Variants in MGAT4C observed in about 807,000 individuals in gnomAD.
MGAT4C encodes alpha-1,3-mannosyl-glycoprotein 4-beta-N-acetylglucosaminyltransferase C.
A neutral mutation model predicts 40.1 loss-of-function variants in MGAT4C; 19 were observed. The observed-to-expected ratio is 0.47, with a 90% CI of 0.33 to 0.70. MGAT4C has a LOEUF of 0.70. Ranked by LOEUF, MGAT4C falls within the 30% of genes least tolerant of loss-of-function variation. The pLI is 0.02. For missense variants in MGAT4C, 491 were observed against 563.2 expected (o/e 0.87, Z 1.30); for synonymous variants, 181 against 187.1 (o/e 0.97, Z 0.27).
intron 2 of MGAT4C, among the ~76,000 whole-genome samples, chr12:86,606,517 A>T (rs1464410423): frequency 6.6e-6 from 1 of 152,120 alleles, no homozygotes; most frequent in Admixed American, 6.6e-5. Context: ...GACATTTGGG[A>T]TGTCATTTAG....
intron 1 of MGAT4C, among the ~76,000 whole-genome samples, chr12:86,072,651 G>A (rs1010491802): frequency 2.6e-5 from 4 of 152,126 alleles, no homozygotes; most frequent in Admixed American, 6.6e-5. Flanking sequence ...AGATGAGTAA[G>A]CAGGTAGATG....
chr12:86,267,353 C>A (rs1208637110), intron 4 of MGAT4C, among the ~76,000 whole-genome samples: 1 of 152,032 alleles, frequency 6.6e-6, no homozygotes, highest in East Asian at 1.9e-4. Context: ...TCAAAGGTAT[C>A]TTAAACTTGG....
intron 2 of MGAT4C, among the ~76,000 whole-genome samples, chr12:86,008,567 TAAGACTTCAA>T (rs1888135483): frequency 6.6e-6 from 1 of 152,130 alleles, no homozygotes; most frequent in Non-Finnish European, 1.5e-5. Flanking sequence ...TTCCAATCTC[TAAGACTTCAA>T]CATTTTGTTG....
chr12:86,718,230 GT>G (rs1274445316), intron 2 of MGAT4C, among the ~76,000 whole-genome samples: 2 of 152,066 alleles, frequency 1.3e-5, no homozygotes, highest in African/African-American at 2.4e-5. Flanking sequence ...CATTGTTTAT[GT>G]TTTTTTCTAA....
chr12:86,049,018 T>C (rs13328960), intron 2 of MGAT4C, among the ~76,000 whole-genome samples: 12,873 of 152,000 alleles, frequency 0.085, 1,213 homozygotes, highest in African/African-American at 0.24. Flanking sequence ...ACTTGACAAT[T>C]CTTTACTAAA....
At chr12:86,019,822 A>G (rs55987654) in intron 2 of MGAT4C, among the ~76,000 whole-genome samples, 10,774 of 152,198 alleles carry the variant, frequency 0.071, 537 homozygotes, top group Middle Eastern at 0.23. Flanking sequence ...CCTACCCATG[A>G]GCATGGAATG....
At chr12:86,420,762 A>G (rs1421083372) in intron 3 of MGAT4C, among the ~76,000 whole-genome samples, 1 of 149,512 alleles carries the variant, frequency 6.7e-6, no homozygotes, top group Non-Finnish European at 1.5e-5. Flanking sequence ...AATCAAGAAT[A>G]AATATTTACC....
intron 1 of MGAT4C, among the ~76,000 whole-genome samples, chr12:86,810,196 T>C (rs557271429): frequency 1.3e-5 from 2 of 152,102 alleles, no homozygotes; most frequent in East Asian, 3.9e-4. Flanking sequence ...TTTTTTAAAA[T>C]TGATCCTGAG....
chr12:86,654,827 G>A (rs1213721880), intron 2 of MGAT4C, among the ~76,000 whole-genome samples: 1 of 151,532 alleles, frequency 6.6e-6, no homozygotes, highest in Admixed American at 6.6e-5. Flanking sequence ...TTGCGGTGAA[G>A]ATAGGAAAAT....
intron 1 of MGAT4C, among the ~76,000 whole-genome samples, chr12:86,752,874 A>T (rs1033044562): frequency 5.3e-5 from 8 of 152,104 alleles, no homozygotes; most frequent in African/African-American, 1.9e-4. Flanking sequence ...ACTTCATTTC[A>T]TACTTCTCAC....
Position 85,973,540 on chromosome 12 carries a change from A to C in MGAT4C, c.*5749T>G, listed in dbSNP as rs1024971658. 3 of 150,738 alleles carry C rather than the reference A, an allele frequency of 2.0e-5. No individual in the cohort carries two copies. The highest frequency in any genetic ancestry group is 7.3e-5 in the African/African-American group (3 of 41,300). 9.3% of individuals were successfully genotyped at this position (150,738 alleles called of 1,614,324 possible). On this transcript the variant is annotated 3_prime_UTR_variant, in exon 5 of 5. Coordinates refer to ENST00000611864, the MANE Select transcript of MGAT4C (RefSeq NM_001351288.2). ...ATTTAATGTATGTGTGCCTCATGGA[A>C]ATTTGTATTTTATAGAAAAATATTG...
intron 1 of MGAT4C, among the ~76,000 whole-genome samples, chr12:86,811,720 TTTA>T (rs919875366): frequency 2.6e-5 from 4 of 151,638 alleles, no homozygotes; most frequent in South Asian, 2.1e-4. Flanking sequence ...TGTGTTTTCT[TTTA>T]TTATTTTTGC....
At chr12:86,514,905 A>C (rs182889509) in intron 2 of MGAT4C, among the ~76,000 whole-genome samples, 2 of 152,228 alleles carry the variant, frequency 1.3e-5, no homozygotes, top group African/African-American at 2.4e-5. Context: ...TGGTGCTGAA[A>C]GATTATCAAC....
At chr12:86,562,248 C>A (rs1394877088) in intron 2 of MGAT4C, among the ~76,000 whole-genome samples, 1 of 152,086 alleles carries the variant, frequency 6.6e-6, no homozygotes, top group Non-Finnish European at 1.5e-5. Flanking sequence ...GCTGAAATTG[C>A]AGAAAATCAG....
At chr12:86,344,462 C>G (rs774189617) in intron 3 of MGAT4C, among the ~76,000 whole-genome samples, 13 of 152,058 alleles carry the variant, frequency 8.5e-5, no homozygotes, top group Non-Finnish European at 1.6e-4. Flanking sequence ...CATGAACTGA[C>G]TTCTGAAAAA....
intron 2 of MGAT4C, among the ~76,000 whole-genome samples, chr12:86,486,282 A>T (rs1430594796): frequency 6.6e-6 from 1 of 151,988 alleles, no homozygotes; most frequent in Non-Finnish European, 1.5e-5. Context: ...CTATGAAAAG[A>T]CAAGACCCGA....
chr12:86,628,817 G>A (rs889652140), intron 2 of MGAT4C, among the ~76,000 whole-genome samples: 1 of 152,066 alleles, frequency 6.6e-6, no homozygotes, highest in Non-Finnish European at 1.5e-5. Context: ...CACCATTGAC[G>A]CTAGGAAGAA....
At chr12:86,006,643 T>A (rs566823121) in intron 2 of MGAT4C, among the ~76,000 whole-genome samples, 1 of 152,170 alleles carries the variant, frequency 6.6e-6, no homozygotes, top group Non-Finnish European at 1.5e-5. Flanking sequence ...ACTTACCCTG[T>A]AGAGTCGGCT....
chr12:86,267,006 CCTGT>C (rs1388089279), intron 4 of MGAT4C, among the ~76,000 whole-genome samples: 1 of 150,524 alleles, frequency 6.6e-6, no homozygotes, highest in African/African-American at 2.5e-5. Flanking sequence ...TTTATTGTCT[CCTGT>C]CTCTTATTGG....
Sources: allele counts gnomAD v4.1 joint callset (sites outside exome capture counted in the v4.1 genomes callset), GRCh38; gene constraint gnomAD v4.1.1; transcripts MANE v1.5; gene names NCBI Gene and HGNC (gene_info 2026-07-23, HGNC 2026-07-21).